ARHGAP10: variants seen among roughly 807,000 people sequenced by gnomAD.
ARHGAP10 encodes rho GTPase-activating protein 10.
ARHGAP10 carries 87 observed loss-of-function variants against 108.6 expected under a neutral mutation model. That is an observed-to-expected ratio of 0.80 (90% CI 0.67 to 0.96). ARHGAP10 has a LOEUF of 0.96. Among genes scored for constraint, ARHGAP10 ranks in the 40% least tolerant of loss-of-function variants. ARHGAP10 has a pLI of 0.00. For synonymous variants in ARHGAP10, 347 were observed against 341.1 expected (o/e 1.02, Z -0.19); for missense variants, 939 against 954.5 (o/e 0.98, Z 0.21).
At chr4:148,051,151 G>C (rs1214743487) in intron 20 of ARHGAP10, among the ~76,000 whole-genome samples, 1 of 152,238 alleles carries the variant, frequency 6.6e-6, no homozygotes, top group East Asian at 1.9e-4. Flanking sequence ...AGCAGAATTG[G>C]ATTCCTTGGA....
intron 10 of ARHGAP10, among the ~76,000 whole-genome samples, chr4:147,898,784 G>T: frequency 7.1e-6 from 1 of 140,326 alleles, no homozygotes; most frequent in African/African-American, 2.6e-5. Flanking sequence ...CCTCCAAACT[G>T]TTTCAGCCTC....
chr4:147,767,366 TC>T (rs1729877096), intron 1 of ARHGAP10, among the ~76,000 whole-genome samples: 2 of 56,272 alleles, frequency 3.6e-5, no homozygotes, highest in Non-Finnish European at 8.9e-5. Context: ...GCAGAATTTA[TC>T]TTTTTTTTTT....
chr4:147,913,621 G>A (rs1736843381), intron 13 of ARHGAP10, among the ~76,000 whole-genome samples: 1 of 152,028 alleles, frequency 6.6e-6, no homozygotes, highest in African/African-American at 2.4e-5. Flanking sequence ...CTTCTTATAA[G>A]GGCCTATTAG....
intron 14 of ARHGAP10, among the ~76,000 whole-genome samples, chr4:147,945,936 A>C (rs1203148485): frequency 6.6e-6 from 1 of 152,184 alleles, no homozygotes; most frequent in Non-Finnish European, 1.5e-5. Context: ...GCCACCACAC[A>C]TGAATTGAAG....
chr4:147,863,996 T>C (rs558322882), intron 5 of ARHGAP10: 2 of 152,378 alleles, frequency 1.3e-5, no homozygotes, highest in East Asian at 3.9e-4. Flanking sequence ...ATGAGCGATG[T>C]TGAGTGTCTT....
chr4:147,732,407 A>T lies in ARHGAP10; in HGVS notation c.106A>T (p.Ile36Phe). Residue 36 changes from isoleucine (I) to phenylalanine (F), a missense_variant, in exon 1 of 23, where the codon ATC becomes TTC. Physicochemically the swap from Ile to Phe is conservative, Grantham distance 21. Coordinates refer to ENST00000336498, the MANE Select transcript of ARHGAP10 (RefSeq NM_024605.4). ...GGAACTCGAGAGGACCAACAAGTTC[A>T]TCAAAGAGCTCATTAAGGACGGGAA... ...EAELERTNKF[I>F]KELIKDGKNL... The T allele has an allele frequency of 6.2e-7, 1 of 1,613,140 alleles. No homozygotes were observed. Among genetic ancestry groups the T allele is most frequent in the Non-Finnish European group, 8.5e-7 (1 of 1,179,558 alleles).
At position 147,887,032 on chromosome 4, in the gene ARHGAP10, C is replaced by T. The variant is rs573591279; in HGVS notation, c.1034+5100C>T. On this transcript the variant is annotated intron_variant, in intron 10 of 22. Coordinates refer to ENST00000336498, the MANE Select transcript of ARHGAP10 (RefSeq NM_024605.4). ...TCGGCCTCCCAAAGTGCTGGGATTACAGGCGCGAGTCACCCTGCCCGGCCC... is the reference window on the plus strand; with the variant it reads ...TCGGCCTCCCAAAGTGCTGGGATTATAGGCGCGAGTCACCCTGCCCGGCCC... Among the ~76,000 whole-genome samples, 3 of 152,328 alleles carry T rather than the reference C, an allele frequency of 2.0e-5. No individual in the cohort carries two copies. The South Asian group carries it at 6.2e-4, about 32-fold the overall frequency.
intron 1 of ARHGAP10, among the ~76,000 whole-genome samples, chr4:147,815,339 G>T (rs928522473): frequency 1.3e-5 from 2 of 152,194 alleles, no homozygotes; most frequent in Non-Finnish European, 2.9e-5. Context: ...ATGTTATAAG[G>T]TGTGGTAGCC....
At chr4:148,029,354 C>T (rs564799983) in intron 19 of ARHGAP10, among the ~76,000 whole-genome samples, 5 of 152,274 alleles carry the variant, frequency 3.3e-5, no homozygotes, top group African/African-American at 9.6e-5. Context: ...TTCACGGCAG[C>T]GGTGCACTCT....
chr4:148,024,189 C>T (rs1337112841), intron 19 of ARHGAP10, among the ~76,000 whole-genome samples: 1 of 152,202 alleles, frequency 6.6e-6, no homozygotes, highest in African/African-American at 2.4e-5. Context: ...TCCAAACCTG[C>T]GTTTTCAGTA....
chr4:147,787,343 G>T (rs2126741368), intron 1 of ARHGAP10, among the ~76,000 whole-genome samples: 1 of 152,138 alleles, frequency 6.6e-6, no homozygotes, highest in African/African-American at 2.4e-5. Context: ...GATGAGGGAG[G>T]AGTATTTTCA....
At chr4:147,799,223 C>T (rs112625871) in intron 1 of ARHGAP10, among the ~76,000 whole-genome samples, 1,872 of 151,820 alleles carry the variant, frequency 0.012, 35 homozygotes, top group African/African-American at 0.042. Flanking sequence ...TTAGTAGAGA[C>T]GGGATGGGGT....
intron 10 of ARHGAP10, among the ~76,000 whole-genome samples, chr4:147,882,476 A>AAT (rs1735365397): frequency 6.6e-6 from 1 of 150,428 alleles, no homozygotes; most frequent in Non-Finnish European, 1.5e-5. Context: ...AAAAAAAAAA[A>AAT]TTGCCTTGGA....
chr4:148,014,003 C>T (rs1392602842), intron 18 of ARHGAP10, among the ~76,000 whole-genome samples: 3 of 151,938 alleles, frequency 2.0e-5, no homozygotes, highest in South Asian at 2.1e-4. Flanking sequence ...TAAGGGAAGG[C>T]TTGAGGCTCT....
chr4:147,734,035 G>A (rs1028606504), intron 1 of ARHGAP10, among the ~76,000 whole-genome samples: 12 of 151,980 alleles, frequency 7.9e-5, no homozygotes, highest in Non-Finnish European at 1.6e-4. Context: ...GGAGGAGTGA[G>A]CATAGAAAGG....
intron 3 of ARHGAP10, among the ~76,000 whole-genome samples, chr4:147,844,672 C>T (rs749038348): frequency 4.6e-5 from 7 of 152,174 alleles, no homozygotes; most frequent in Non-Finnish European, 1.0e-4. Flanking sequence ...GAAATCTTCA[C>T]CTTTTCCATT....
At chr4:147,962,188 T>C (rs1275222479) in intron 16 of ARHGAP10, among the ~76,000 whole-genome samples, 1 of 152,226 alleles carries the variant, frequency 6.6e-6, no homozygotes, top group Non-Finnish European at 1.5e-5. Context: ...GTTGGTGGAA[T>C]TGGCCCTGTT....
intron 9 of ARHGAP10, among the ~76,000 whole-genome samples, chr4:147,881,378 C>T (rs907664578): frequency 6.6e-6 from 1 of 152,102 alleles, no homozygotes; most frequent in Admixed American, 6.6e-5. Flanking sequence ...TGGCTCACGC[C>T]TGTAATCCCA....
intron 13 of ARHGAP10, among the ~76,000 whole-genome samples, chr4:147,926,622 G>T (rs1388324710): frequency 6.6e-6 from 1 of 152,190 alleles, no homozygotes; most frequent in Non-Finnish European, 1.5e-5. Context: ...TTTTAAAGAG[G>T]TAAGGTTTTG....
Sources: gnomAD v4.1 joint callset for allele counts (sites outside exome capture counted in the v4.1 genomes callset) on GRCh38, gnomAD v4.1.1 for gene constraint, MANE v1.5 for transcripts, NCBI Gene and HGNC (gene_info 2026-07-23, HGNC 2026-07-21) for gene names.